MDN1: variants seen among roughly 807,000 people sequenced by gnomAD.
MDN1 encodes midasin AAA ATPase 1.
In MDN1, 266 loss-of-function variants were observed where a neutral mutation model predicts 669.2. The ratio of observed to expected loss-of-function variants is 0.40; its 90% CI spans 0.36 to 0.44. The LOEUF (loss-of-function observed/expected upper bound fraction) is 0.44, where lower values mean the gene tolerates loss of function less well. MDN1 is among the 20% of genes least tolerant of loss of function. MDN1 has a pLI of 1.00. For missense variants in MDN1, 5,940 were observed against 6,754.0 expected (o/e 0.88, Z 4.22); for synonymous variants, 2,385 against 2,457.1 (o/e 0.97, Z 0.87).
At chr6:89,746,604 AAAAAAAAAAAGAAAGAAAGAAAG>A (rs1562172777) in intron 27 of MDN1, among the ~76,000 whole-genome samples, 2 of 64,856 alleles carry the variant, frequency 3.1e-5, no homozygotes, top group Non-Finnish European at 6.7e-5. Flanking sequence ...AAAAAAAAAA[AAAAAAAAAAAGAAAGAAAGAAAG>A]AAAGAAAGAA....
intron 53 of MDN1, among the ~76,000 whole-genome samples, chr6:89,703,117 A>G (rs1813269174): frequency 6.6e-6 from 1 of 151,976 alleles, no homozygotes; most frequent in Non-Finnish European, 1.5e-5. Context: ...TTGTATTTTT[A>G]GTAGAGATGG....
At position 89,772,593 on chromosome 6, in the gene MDN1, T is replaced by C; in HGVS notation, c.2063A>G (p.Gln688Arg). The C allele has an allele frequency of 6.2e-7, 1 of 1,614,106 alleles. No homozygotes were observed. Among genetic ancestry groups the C allele is most frequent in the Non-Finnish European group, 8.5e-7 (1 of 1,180,014 alleles). ...ETGTGKTSTI[Q>R]YLAHITGHRL... Reference sequence around the variant, plus strand: ...ATTACCTGTAATGTGAGCCAAGTATTGGATGGTAGAGGTTTTGCCAGTCCC... The same window carrying C: ...ATTACCTGTAATGTGAGCCAAGTATCGGATGGTAGAGGTTTTGCCAGTCCC... Residue 688 changes from glutamine (Q) to arginine (R), a missense_variant, in exon 14 of 102, where the codon CAA becomes CGA. Physicochemically the swap from Gln to Arg is conservative, Grantham distance 43. Transcript: ENST00000369393.
intron 22 of MDN1, among the ~76,000 whole-genome samples, chr6:89,751,991 A>G (rs1421270752): frequency 2.0e-5 from 3 of 152,264 alleles, no homozygotes; most frequent in Non-Finnish European, 4.4e-5. Context: ...CCTAGAAGAC[A>G]TTAAAAGTAA....
Position 89,699,673 on chromosome 6 carries a change from T to C in MDN1, c.8925A>G (p.Ser2975=). 6.2e-7 allele frequency: 1 copy of C among 1,613,982 alleles called. No homozygotes were observed. The highest frequency in any genetic ancestry group is 8.5e-7 in the Non-Finnish European group (1 of 1,179,946). ...TAACAGGTGTGTGATAAAGACAAAA[T>C]GAGATGAGGTGACTTATCTCCTCAT... The part of the protein sequence containing the change: ...QINEEISHLI[S]FCLYHTPVTP... Residue 2975 remains serine (S), a synonymous_variant, in exon 58 of 102, where the codon TCA becomes TCG. Transcript: ENST00000369393.
intron 43 of MDN1, among the ~76,000 whole-genome samples, chr6:89,717,433 T>C (rs576296512): frequency 6.6e-6 from 1 of 152,344 alleles, no homozygotes; most frequent in East Asian, 1.9e-4. Flanking sequence ...GCAAGTAATT[T>C]TGTCTCTTTG....
At chr6:89,785,962 C>T (rs767507879) in intron 8 of MDN1, among the ~76,000 whole-genome samples, 33 of 151,966 alleles carry the variant, frequency 2.2e-4, no homozygotes, top group South Asian at 2.1e-4. Flanking sequence ...ATTGAGGCCT[C>T]ATCTCTAAAA....
At chr6:89,697,257 A>C (rs1231747201) in intron 59 of MDN1, among the ~76,000 whole-genome samples, 1 of 152,216 alleles carries the variant, frequency 6.6e-6, no homozygotes, top group African/African-American at 2.4e-5. Context: ...TAAAAGAAAA[A>C]ATTTGCATCC....
Position 89,794,721 on chromosome 6 carries a change from C to A in MDN1, c.410G>T (p.Arg137Leu). 3 of 1,614,150 alleles carry A rather than the reference C, an allele frequency of 1.9e-6. No individual in the cohort carries two copies. Among genetic ancestry groups the A allele is most frequent in the Non-Finnish European group, 2.5e-6 (3 of 1,180,020 alleles). The change falls in exon 3 of 102, where the codon CGC (arginine) becomes CTC (leucine). Residue 137 changes from arginine to leucine, a missense_variant. By Grantham distance (102) the Arg-to-Leu change is moderately radical (BLOSUM62 -2). Transcript: ENST00000369393. ...GAGCTTCATCCTCCTACGTCCATAGCGTACTGGATTAGCATCTGAACTCTC... is the reference window on the plus strand; with the variant it reads ...GAGCTTCATCCTCCTACGTCCATAGAGTACTGGATTAGCATCTGAACTCTC... The part of the protein sequence containing the change: ...FLESSDANPV[R>L]YGRRRMKLRD...
chr6:89,740,147 C>T, intron 32 of MDN1, 87 bp downstream of exon 32: 2 of 1,427,196 alleles, frequency 1.4e-6, no homozygotes, highest in Non-Finnish European at 1.9e-6. Context: ...CATAAAATTC[C>T]AAATCCATTA....
At chr6:89,673,970 C>T (rs916366095) in intron 79 of MDN1, 134 bp downstream of exon 79, 19 of 748,488 alleles carry the variant, frequency 2.5e-5, no homozygotes, top group African/African-American at 1.5e-4. Flanking sequence ...CCCAAACCGA[C>T]GAGTTCCCTA....
At position 89,781,515 on chromosome 6, in the gene MDN1, C is replaced by T; in HGVS notation, c.1527G>A (p.Glu509=). 6.2e-7 allele frequency: 1 copy of T among 1,613,922 alleles called. No homozygotes were observed. Among genetic ancestry groups the T allele is most frequent in the South Asian group, 1.1e-5 (1 of 91,072 alleles). Residue 509 remains glutamate, a synonymous_variant, in exon 10 of 102, where the codon GAG becomes GAA. Transcript: ENST00000369393. ...LLDIYIQLTG[E]KHHSWSDSSV... ...AACTATCACTCCAAGAGTGATGTTT[C>T]TCTCCAGTAAGTTGGATATAAATGT...
In MDN1 at chr6:89,774,698, A is replaced by G; in HGVS notation, c.1857T>C (p.Ile619=). The G allele has an allele frequency of 6.2e-7, 1 of 1,613,624 alleles. No individual in the cohort carries two copies. The highest frequency in any genetic ancestry group is 8.5e-7 in the Non-Finnish European group (1 of 1,179,648). ...CTTGCAAATCTAGCTCATTGATCAC[A>G]ATTTCTGGTTTATAAAGTTGACAAA... ...EFFCQLYKPE[I]VINELDLQVG... Residue 619 remains isoleucine, a synonymous_variant, in exon 13 of 102, where the codon ATT becomes ATC. Transcript: ENST00000369393.
chr6:89,683,946 A>G, intron 71 of MDN1, 42 bp from the exon 72 acceptor site: 1 of 1,421,958 alleles, frequency 7.0e-7, no homozygotes, highest in South Asian at 1.2e-5. Context: ...TTATAAAGCT[A>G]GTGTCATTCT....
Position 89,749,385 on chromosome 6 carries a change from G to C in MDN1, c.3616-16C>G. 1 of 1,612,078 alleles carries C rather than the reference G, an allele frequency of 6.2e-7. No individual in the cohort carries two copies. Among genetic ancestry groups the C allele is most frequent in the South Asian group, 1.1e-5 (1 of 90,518 alleles). ...TAGAAAGGACCTAGACAAAGCACAGGAAGAATGCAGTAAAAGGTGCCTTTT... is the reference window on the plus strand; with the variant it reads ...TAGAAAGGACCTAGACAAAGCACAGCAAGAATGCAGTAAAAGGTGCCTTTT... On this transcript the variant is annotated splice_polypyrimidine_tract_variant and intron_variant, in intron 25 of 101. Coordinates refer to ENST00000369393, the MANE Select transcript of MDN1 (RefSeq NM_014611.3).
rs1808322676 is a variant in MDN1 at position 89,644,099 on chromosome 6, T to C, written c.16697A>G (p.Tyr5566Cys). The C allele has an allele frequency of 1.9e-6, 3 of 1,614,068 alleles. No homozygotes were observed. The highest frequency in any genetic ancestry group is 2.5e-6 in the Non-Finnish European group (3 of 1,179,990). ...TGCGTTTACATCTCGAAGAATGATA[T>C]AGTATGGGAATGGGAACTCTTCCAT... is the stretch of plus-strand genomic sequence containing the variant. ...SYMEEFPFPY[Y>C]IILRDVNALP... The change falls in exon 102 of 102, where the codon TAT becomes TGT. Residue 5566 changes from tyrosine to cysteine, a missense_variant. By Grantham distance (194) the Tyr-to-Cys change is radical. Around this residue, in one of 5 missense-constraint regions of MDN1, gnomAD observed 2,280 missense variants for 2,576.3 expected, o/e 0.88. Coordinates refer to ENST00000369393, the MANE Select transcript of MDN1 (RefSeq NM_014611.3).
intron 15 of MDN1, among the ~76,000 whole-genome samples, chr6:89,769,813 A>G (rs1003774802): frequency 2.0e-5 from 3 of 152,258 alleles, no homozygotes; most frequent in African/African-American, 4.8e-5. Flanking sequence ...GCAATGGCTA[A>G]CATAACACTA....
At chr6:89,778,192 G>A (rs138870171) in intron 11 of MDN1, among the ~76,000 whole-genome samples, 3 of 143,360 alleles carry the variant, frequency 2.1e-5, no homozygotes, top group African/African-American at 7.7e-5. Context: ...ATACAGTATT[G>A]TCTCAACTAA....
At chr6:89,805,285 T>A (rs947338761) in intron 1 of MDN1, among the ~76,000 whole-genome samples, 3 of 152,116 alleles carry the variant, frequency 2.0e-5, no homozygotes, top group Non-Finnish European at 4.4e-5. Flanking sequence ...CTCATGCTTG[T>A]AATCCCACCA....
intron 40 of MDN1, among the ~76,000 whole-genome samples, chr6:89,720,636 C>T (rs1814754041): frequency 6.6e-6 from 1 of 152,160 alleles, no homozygotes; most frequent in South Asian, 2.1e-4. Context: ...ACTAATCAAT[C>T]ATTCAACAAC....
Sources: allele counts gnomAD v4.1 joint callset (sites outside exome capture counted in the v4.1 genomes callset), GRCh38; gene constraint gnomAD v4.1.1; regional missense constraint gnomAD v4.1.1; transcripts MANE v1.5; gene names NCBI Gene and HGNC (gene_info 2026-07-23, HGNC 2026-07-21).